ANKRD12: variants seen among roughly 807,000 people sequenced by gnomAD.
ANKRD12 encodes the protein ankyrin repeat domain-containing protein 12.
In ANKRD12, 85 loss-of-function variants were observed where a neutral mutation model predicts 183.4. The observed-to-expected ratio is 0.46, with a 90% CI of 0.39 to 0.56. ANKRD12 has a LOEUF of 0.56. Among genes scored for constraint, ANKRD12 ranks in the 20% least tolerant of loss-of-function variants. The pLI is 0.00. For missense variants in ANKRD12, 2,405 were observed against 2,357.1 expected (o/e 1.02, Z -0.42); for synonymous variants, 914 against 800.2 (o/e 1.14, Z -2.40).
intron 1 of ANKRD12, among the ~76,000 whole-genome samples, chr18:9,157,587 A>ATG (rs1335680678): frequency 1.2e-5 from 1 of 85,956 alleles, no homozygotes; most frequent in Non-Finnish European, 2.1e-5. Context: ...GTGTGTGTGT[A>ATG]TATATATATA....
At position 9,182,414 on chromosome 18, in the gene ANKRD12, C is replaced by G. The variant is rs895068862; in HGVS notation, c.-19C>G. Reference sequence around the variant, plus strand: ...ATGAGAAGACTGATAAAAGAAGAAGCTAGCTGAACAGCTGTAAAATGCCCA... The same window carrying G: ...ATGAGAAGACTGATAAAAGAAGAAGGTAGCTGAACAGCTGTAAAATGCCCA... On this transcript the variant is annotated 5_prime_UTR_variant, in exon 2 of 13. Transcript: ENST00000262126. 1.3e-6 allele frequency: 2 copies of G among 1,563,790 alleles called. No individual in the cohort carries two copies. The highest frequency in any genetic ancestry group is 1.8e-5 in the Admixed American group (1 of 56,784).
At chr18:9,194,879 A>G (rs1442664128) in intron 2 of ANKRD12, among the ~76,000 whole-genome samples, 2 of 152,208 alleles carry the variant, frequency 1.3e-5, no homozygotes, top group African/African-American at 4.8e-5. Context: ...AGACACATAC[A>G]TGCCTATGTT....
At chr18:9,160,283 T>TA (rs1273077602) in intron 1 of ANKRD12, among the ~76,000 whole-genome samples, 1 of 152,130 alleles carries the variant, frequency 6.6e-6, no homozygotes, top group East Asian at 1.9e-4. Context: ...CCTGGCTAAT[T>TA]AAAAAACAAT....
At position 9,255,991 on chromosome 18, in the gene ANKRD12, T is replaced by A; in HGVS notation, c.2724T>A (p.Asp908Glu). 1 of 1,562,988 alleles carries A rather than the reference T, an allele frequency of 6.4e-7. No individual in the cohort carries two copies. The highest frequency in any genetic ancestry group is 8.6e-7 in the Non-Finnish European group (1 of 1,163,712). Residue 908 changes from aspartate to glutamate, a missense_variant, in exon 9 of 13, where the codon GAT (aspartate) becomes GAA (glutamate). Physicochemically the swap from Asp to Glu is conservative, Grantham distance 45. This residue lies in a region of ANKRD12 where 1,983 missense variants were observed against 1,725.9 expected (regional missense o/e 1.15). Transcript: ENST00000262126. The stretch of plus-strand genomic sequence containing the variant: ...GAGAGAAAAGTAGAGAAAAGATGGA[T>A]AGGAAACATGACAAAGAAAAGCCTG... Reference protein sequence around the residue: ...DDREKSREKMDRKHDKEKPEK... With the variant: ...DDREKSREKMERKHDKEKPEK...
At chr18:9,163,477 T>G (rs9959998) in intron 1 of ANKRD12, among the ~76,000 whole-genome samples, 1 of 151,948 alleles carries the variant, frequency 6.6e-6, no homozygotes, top group South Asian at 2.1e-4. Context: ...TGCCTCTAGC[T>G]TTGTTCTTTT....
intron 1 of ANKRD12, among the ~76,000 whole-genome samples, chr18:9,148,803 C>T (rs1010969126): frequency 1.1e-4 from 16 of 152,180 alleles, no homozygotes; most frequent in African/African-American, 3.4e-4. Context: ...TCTGAACACA[C>T]TACTCGAATT....
At chr18:9,197,148 A>C (rs2144439107) in intron 3 of ANKRD12, among the ~76,000 whole-genome samples, 1 of 152,352 alleles carries the variant, frequency 6.6e-6, no homozygotes, top group Non-Finnish European at 1.5e-5. Context: ...TCATTAGATC[A>C]GATGGATTAT....
chr18:9,246,034 T>C (rs2037943630), intron 8 of ANKRD12, among the ~76,000 whole-genome samples: 1 of 152,196 alleles, frequency 6.6e-6, no homozygotes. Context: ...CATTACATAG[T>C]GGTATTCTAG....
At chr18:9,225,977 A>G (rs2036684351) in intron 8 of ANKRD12, among the ~76,000 whole-genome samples, 1 of 151,990 alleles carries the variant, frequency 6.6e-6, no homozygotes, top group Non-Finnish European at 1.5e-5. Context: ...TAAGTTGAAG[A>G]CATTCCTAAG....
At chr18:9,144,857 CATATT>C (rs948473924) in intron 1 of ANKRD12, among the ~76,000 whole-genome samples, 8 of 151,646 alleles carry the variant, frequency 5.3e-5, no homozygotes, top group Non-Finnish European at 1.0e-4. Flanking sequence ...ATTTGCATAT[CATATT>C]AATTATGTAT....
intron 5 of ANKRD12, among the ~76,000 whole-genome samples, chr18:9,210,595 G>A (rs1213467675): frequency 2.6e-5 from 4 of 151,724 alleles, no homozygotes; most frequent in East Asian, 1.9e-4. Flanking sequence ...GGTGGCACAC[G>A]CCCGTAATCC....
At chr18:9,143,349 A>G (rs1490169429) in intron 1 of ANKRD12, among the ~76,000 whole-genome samples, 1 of 152,196 alleles carries the variant, frequency 6.6e-6, no homozygotes, top group Non-Finnish European at 1.5e-5. Context: ...AGTCCAATTC[A>G]CTAATATATT....
rs1213192761 is a variant in ANKRD12, at chr18:9,285,208, CAAA to C, written c.*4095_*4097del. The C allele has an allele frequency of 7.0e-5, 6 of 85,506 alleles. No homozygotes were observed. The highest frequency in any genetic ancestry group is 9.7e-5 in the Non-Finnish European group (4 of 41,230). The allele number at this position is 85,506 out of a possible 1,614,324, so 5.3% of individuals were successfully genotyped here. ...TGGGCGACAGAGCGAGACTCCGTCTCAAAAAAAAAAAAAAAGAAAGAAAAGAAA... is the reference window on the plus strand; with the variant it reads ...TGGGCGACAGAGCGAGACTCCGTCTCAAAAAAAAAAAAGAAAGAAAAGAAA... On this transcript the variant is annotated 3_prime_UTR_variant, in exon 13 of 13. Transcript: ENST00000262126.
Position 9,257,008 on chromosome 18 carries a change from AC to A in ANKRD12, c.3743del (p.Pro1248LeufsTer44). The A allele has an allele frequency of 6.2e-7, 1 of 1,613,928 alleles. No individual in the cohort carries two copies. Among genetic ancestry groups the A allele is most frequent in the East Asian group, 2.2e-5 (1 of 44,870 alleles). ...AATCCCAAATGTCCTTTTCCCAGTC[AC>A]CTTTTTTGTCAATTGCCAAATCTCC... ...SESQMSFSQS[P>X]FLSIAKSPAL... is the part of the protein sequence containing the mutation. On this transcript the variant is annotated frameshift_variant, in exon 9 of 13. Transcript: ENST00000262126. LOFTEE classifies it high-confidence loss of function.
intron 1 of ANKRD12, among the ~76,000 whole-genome samples, chr18:9,171,194 A>G (rs1467874462): frequency 1.3e-5 from 2 of 152,146 alleles, no homozygotes; most frequent in African/African-American, 4.8e-5. Context: ...TCAGATCTCA[A>G]GCTGTGTGCT....
rs534216506 is a variant in ANKRD12, at chr18:9,160,070, G to C, written c.-51-22312G>C. On this transcript the variant is annotated intron_variant, in intron 1 of 12. Transcript: ENST00000262126. ...AGATCACTTGAGCTCAGGAGTTTGA[G>C]ACCAGCCTGGGCAACATGGTAAAAC... Among the ~76,000 whole-genome samples, 183 of 152,090 alleles carry C rather than the reference G, an allele frequency of 1.2e-3. 1 individual carries two copies. Among genetic ancestry groups the C allele is most frequent in the African/African-American group, 4.3e-3 (177 of 41,538 alleles).
At chr18:9,167,965 A>G (rs1005088274) in intron 1 of ANKRD12, among the ~76,000 whole-genome samples, 3 of 152,154 alleles carry the variant, frequency 2.0e-5, no homozygotes, top group South Asian at 2.1e-4. Context: ...TTCTGCCTCT[A>G]TTGAGATAAT....
chr18:9,196,189 T>TACACACACACACACACACACACACAC (rs34220366), intron 3 of ANKRD12, among the ~76,000 whole-genome samples: 2 of 51,616 alleles, frequency 3.9e-5, no homozygotes, highest in Admixed American at 2.2e-4. Context: ...ATAGAATTTT[T>TACACACACACACACACACACACACAC]ACACACACAC....
Position 9,182,367 on chromosome 18 carries a change from A to G in ANKRD12, c.-51-15A>G, listed in dbSNP as rs2033761699. On this transcript the variant is annotated splice_polypyrimidine_tract_variant and intron_variant, in intron 1 of 12. Coordinates refer to ENST00000262126, the MANE Select transcript of ANKRD12 (RefSeq NM_015208.5). ...ATATATATTCAAATAACCCTTATAT[A>G]TCTATTCTTTACAGATCCAGGATGA... The G allele has an allele frequency of 9.6e-7, 1 of 1,046,840 alleles. No homozygotes were observed. The highest frequency in any genetic ancestry group is 1.4e-6 in the Non-Finnish European group (1 of 705,332). 64.8% of individuals were successfully genotyped at this position (1,046,840 alleles called of 1,614,324 possible).
Sources: allele counts gnomAD v4.1 joint callset (sites outside exome capture counted in the v4.1 genomes callset), GRCh38; gene constraint gnomAD v4.1.1; regional missense constraint gnomAD v4.1.1; transcripts MANE v1.5; gene names NCBI Gene and HGNC (gene_info 2026-07-23, HGNC 2026-07-21).